LPA: variants seen among roughly 807,000 people sequenced by gnomAD.
The protein encoded by LPA is apolipoprotein(a).
LPA carries 199 observed loss-of-function variants against 197.9 expected under a neutral mutation model. That is an observed-to-expected ratio of 1.01 (90% CI 0.90 to 1.13). The LOEUF is 1.13. Among genes scored for constraint, LPA ranks in the 50% most tolerant of loss-of-function variants. The pLI is 0.00. For missense variants in LPA, 1,853 were observed against 1,785.8 expected, an observed-to-expected ratio of 1.04 and a Z score of -0.68; for synonymous variants, 715 against 639.5, an observed-to-expected ratio of 1.12 and a Z score of -1.78.
chr6:160,658,261 C>A (rs1780164016), intron 1 of LPA, among the ~76,000 whole-genome samples: 1 of 152,178 alleles, frequency 6.6e-6, no homozygotes, highest in Non-Finnish European at 1.5e-5. Flanking sequence ...GTTCCAGGGT[C>A]CCATTTTTTT....
At chr6:160,647,415 T>C (rs976199019) in intron 2 of LPA, among the ~76,000 whole-genome samples, 1 of 152,152 alleles carries the variant, frequency 6.6e-6, no homozygotes, top group Non-Finnish European at 1.5e-5. Context: ...GGGAAATGTA[T>C]TATGGGCCAT....
intron 7 of LPA, among the ~76,000 whole-genome samples, 195 bp downstream of exon 7, chr6:160,634,928 A>C (rs1779778944): frequency 6.7e-6 from 1 of 150,154 alleles, no homozygotes; most frequent in Non-Finnish European, 1.5e-5. Flanking sequence ...TCTAAAGACA[A>C]AGCCCACCCA....
Position 160,568,054 on chromosome 6 carries a change from C to G in LPA, c.4631+9082G>C, listed in dbSNP as rs113528624. ...GGAGAGATTCATAGCCGAATTCTAC[C>G]ACAGATACAAAGAGGAGCTGGTACC... On this transcript the variant is annotated intron_variant, in intron 28 of 38. Transcript: ENST00000316300. Among the ~76,000 whole-genome samples the G allele has an allele frequency of 1.1e-3, 173 of 152,256 alleles. 2 individuals are homozygous for G. The highest frequency in any genetic ancestry group is 3.8e-3 in the African/African-American group (159 of 41,542).
intron 2 of LPA, among the ~76,000 whole-genome samples, chr6:160,647,617 A>G (rs1256840960): frequency 6.6e-6 from 1 of 152,178 alleles, no homozygotes; most frequent in Non-Finnish European, 1.5e-5. Context: ...AACAAACCTC[A>G]GAGTTAAAAA....
chr6:160,658,775 A>G (rs1194054223), intron 1 of LPA, among the ~76,000 whole-genome samples: 2 of 152,118 alleles, frequency 1.3e-5, no homozygotes, highest in African/African-American at 4.8e-5. Context: ...AAAACCAATG[A>G]AAGAATTCCA....
rs557857790 is a variant in LPA, at chr6:160,536,867, T to C, written c.5842+988A>G. Among the ~76,000 whole-genome samples the C allele has an allele frequency of 2.2e-4, 34 of 152,270 alleles. No homozygotes were observed. In the South Asian group the frequency reaches 6.8e-3, roughly 31 times the overall value. The stretch of plus-strand genomic sequence containing the variant: ...ACTTTGAAATTATCTAAACCTGTGG[T>C]TTTTAATCTTTTTAAAAACACAAAA... On this transcript the variant is annotated intron_variant, in intron 37 of 38. Coordinates refer to ENST00000316300, the MANE Select transcript of LPA (RefSeq NM_005577.4).
chr6:160,610,220 G>C (rs1280540150), intron 16 of LPA, among the ~76,000 whole-genome samples: 1 of 152,076 alleles, frequency 6.6e-6, no homozygotes, highest in Non-Finnish European at 1.5e-5. Context: ...ATACCGCATA[G>C]CTGAGGCAAT....
At chr6:160,648,998 T>G (rs1019681536) in intron 2 of LPA, among the ~76,000 whole-genome samples, 2 of 152,196 alleles carry the variant, frequency 1.3e-5, no homozygotes, top group Admixed American at 1.3e-4. Context: ...GGATACTGCA[T>G]AGCTGAGCCA....
intron 34 of LPA, among the ~76,000 whole-genome samples, chr6:160,541,452 G>A (rs1425765986): frequency 6.6e-6 from 1 of 152,212 alleles, no homozygotes; most frequent in East Asian, 1.9e-4. Flanking sequence ...AGTGACTCCA[G>A]AATGAAGCTC....
chr6:160,587,678 C>T (rs1316744620), intron 24 of LPA, among the ~76,000 whole-genome samples: 5 of 151,392 alleles, frequency 3.3e-5, no homozygotes, highest in Non-Finnish European at 7.4e-5. Flanking sequence ...CTGTGACTTG[C>T]CTAACACATA....
At chr6:160,649,101 C>T (rs768333614) in intron 2 of LPA, among the ~76,000 whole-genome samples, 25 of 152,144 alleles carry the variant, frequency 1.6e-4, no homozygotes, top group Non-Finnish European at 2.8e-4. Context: ...TGGAGACTTC[C>T]TTTTCAGTTT....
At chr6:160,605,705 T>C (rs1779335067) in intron 17 of LPA, among the ~76,000 whole-genome samples, 1 of 152,080 alleles carries the variant, frequency 6.6e-6, no homozygotes, top group African/African-American at 2.4e-5. Flanking sequence ...TTCTGGGCCA[T>C]GGGAGAGACA....
intron 1 of LPA, among the ~76,000 whole-genome samples, chr6:160,655,340 C>T (rs1254057096): frequency 6.6e-6 from 1 of 152,232 alleles, no homozygotes; most frequent in Non-Finnish European, 1.5e-5. Flanking sequence ...AGGCTCCAAA[C>T]AGCATCCCTA....
chr6:160,604,528 A>G (rs1304948301), intron 18 of LPA, among the ~76,000 whole-genome samples: 2 of 152,084 alleles, frequency 1.3e-5, no homozygotes, highest in Non-Finnish European at 2.9e-5. Flanking sequence ...TTATTCTCTA[A>G]CAACCAGTAT....
chr6:160,557,394 T>C lies in LPA; in HGVS notation c.4809A>G (p.Glu1603=). The C allele has an allele frequency of 1.9e-6, 3 of 1,612,448 alleles. No homozygotes were observed. Among genetic ancestry groups the C allele is most frequent in the Non-Finnish European group, 2.5e-6 (3 of 1,179,416 alleles). The change falls in exon 29 of 39, where the codon GAA becomes GAG. Residue 1603 remains glutamate (E), a synonymous_variant. Transcript: ENST00000316300. ...VPVPSMEAHS[E]AAPTEQTPVV... is the part of the protein sequence containing the mutation. ...ATCTGGCCACAGACTTCTTACCTGCTTCAGAATGAGCCTCCATGCTTGGAA... is the reference window on the plus strand; with the variant it reads ...ATCTGGCCACAGACTTCTTACCTGCCTCAGAATGAGCCTCCATGCTTGGAA...
intron 28 of LPA, among the ~76,000 whole-genome samples, chr6:160,567,301 A>C (rs1223950542): frequency 6.6e-6 from 1 of 152,232 alleles, no homozygotes; most frequent in Non-Finnish European, 1.5e-5. Flanking sequence ...TGTCTCTCAG[A>C]CCACAGTGCA....
chr6:160,558,285 A>G (rs1778303686), intron 28 of LPA, among the ~76,000 whole-genome samples: 2 of 151,818 alleles, frequency 1.3e-5, no homozygotes, highest in Admixed American at 1.3e-4. Flanking sequence ...TCTCTCTAGG[A>G]CTCTGCAGTA....
chr6:160,655,141 T>C (rs1780110800), intron 1 of LPA, among the ~76,000 whole-genome samples: 1 of 152,204 alleles, frequency 6.6e-6, no homozygotes, highest in East Asian at 1.9e-4. Flanking sequence ...AAGCAACCAG[T>C]TCATGATAGG....
At chr6:160,573,135 C>A (rs1005508430) in intron 28 of LPA, among the ~76,000 whole-genome samples, 1 of 151,954 alleles carries the variant, frequency 6.6e-6, no homozygotes, top group Non-Finnish European at 1.5e-5. Flanking sequence ...ATTTTCTTAT[C>A]CTTTATTCTT....
Sources: allele counts gnomAD v4.1 joint callset (sites outside exome capture counted in the v4.1 genomes callset), GRCh38; gene constraint gnomAD v4.1.1; transcripts MANE v1.5; gene names NCBI Gene and HGNC (gene_info 2026-07-23, HGNC 2026-07-21).